CACNA2D1: variants seen among roughly 807,000 people sequenced by gnomAD.
CACNA2D1 encodes calcium voltage-gated channel auxiliary subunit alpha2delta 1.
A neutral mutation model predicts 171.5 loss-of-function variants in CACNA2D1; 53 were observed. The observed-to-expected ratio is 0.31, with a 90% CI of 0.25 to 0.39. CACNA2D1 has a LOEUF of 0.39. Among genes scored for constraint, CACNA2D1 ranks in the 10% least tolerant of loss-of-function variants. The probability of loss-of-function intolerance (pLI) is 1.00; values close to 1 mark genes in which losing one functional copy is unlikely to be tolerated. For missense variants in CACNA2D1, 903 were observed against 1,299.8 expected (o/e 0.69, Z 4.69); for synonymous variants, 442 against 443.1 (o/e 1.00, Z 0.03).
chr7:82,285,032 G>A (rs957322743), intron 3 of CACNA2D1, among the ~76,000 whole-genome samples: 16 of 152,150 alleles, frequency 1.1e-4, no homozygotes, highest in African/African-American at 2.4e-4. Flanking sequence ...AGCCCGGGGC[G>A]ATGAAAATCC....
chr7:82,300,650 G>GTCCTTA (rs1262673156), intron 3 of CACNA2D1, among the ~76,000 whole-genome samples: 1 of 152,084 alleles, frequency 6.6e-6, no homozygotes, highest in Non-Finnish European at 1.5e-5. Context: ...ATTATTAAAT[G>GTCCTTA]ATAGTCAACC....
chr7:82,099,975 G>T (rs1427860420), intron 6 of CACNA2D1, among the ~76,000 whole-genome samples: 2 of 152,118 alleles, frequency 1.3e-5, no homozygotes, highest in Non-Finnish European at 2.9e-5. Context: ...AATAGGTAAT[G>T]CATGGTGGGC....
intron 1 of CACNA2D1, among the ~76,000 whole-genome samples, chr7:82,407,772 G>T (rs140911433): frequency 6.6e-6 from 1 of 152,148 alleles, no homozygotes; most frequent in Admixed American, 6.6e-5. Context: ...AGACACTGTA[G>T]AACATAGTAT....
At chr7:82,279,860 T>G (rs889602785) in intron 3 of CACNA2D1, among the ~76,000 whole-genome samples, 1 of 152,308 alleles carries the variant, frequency 6.6e-6, no homozygotes, top group Admixed American at 6.5e-5. Context: ...TTAGATTGTG[T>G]CTTACCACAA....
intron 3 of CACNA2D1, among the ~76,000 whole-genome samples, chr7:82,307,517 TTATA>T (rs1361912123): frequency 6.7e-6 from 1 of 150,110 alleles, no homozygotes; most frequent in African/African-American, 2.4e-5. Context: ...CTTAAAATAA[TTATA>T]TAATTTATAA....
At chr7:82,305,704 CAT>C (rs1431582215) in intron 3 of CACNA2D1, among the ~76,000 whole-genome samples, 3 of 152,196 alleles carry the variant, frequency 2.0e-5, no homozygotes, top group African/African-American at 4.8e-5. Context: ...TGCTCATGCA[CAT>C]GTGTGCACAA....
chr7:82,211,197 T>C (rs983055376), intron 3 of CACNA2D1, among the ~76,000 whole-genome samples: 1 of 152,162 alleles, frequency 6.6e-6, no homozygotes, highest in African/African-American at 2.4e-5. Flanking sequence ...TAATAAAAGT[T>C]CTTTTTTTCT....
chr7:82,054,369 G>C (rs970410154), intron 10 of CACNA2D1, among the ~76,000 whole-genome samples: 1 of 152,178 alleles, frequency 6.6e-6, no homozygotes, highest in African/African-American at 2.4e-5. Flanking sequence ...GAATGCCAGA[G>C]AATTAACATT....
chr7:82,046,926 C>T (rs1804623224), intron 10 of CACNA2D1, among the ~76,000 whole-genome samples: 3 of 152,186 alleles, frequency 2.0e-5, no homozygotes, highest in Middle Eastern at 6.8e-3. Context: ...TCCCAATTAC[C>T]ATTTTTAATA....
At chr7:81,994,360 G>C (rs1279127259) in intron 20 of CACNA2D1, among the ~76,000 whole-genome samples, 1 of 151,836 alleles carries the variant, frequency 6.6e-6, no homozygotes, top group Non-Finnish European at 1.5e-5. Context: ...TCTAAGTGCT[G>C]GGAAATTTTA....
At chr7:82,060,635 T>C in intron 9 of CACNA2D1, 108 bp from the exon 10 acceptor site, 1 of 597,216 alleles carries the variant, frequency 1.7e-6, no homozygotes, top group South Asian at 2.3e-5. Context: ...TATATATTAT[T>C]TAAATAATAA....
chr7:81,959,130 T>A, intron 38 of CACNA2D1, 145 bp downstream of exon 38: 1 of 667,090 alleles, frequency 1.5e-6, no homozygotes, highest in Non-Finnish European at 2.7e-6. Flanking sequence ...ATGAAAAAAA[T>A]CTACCAGCAA....
At chr7:82,355,989 G>A (rs765163607) in intron 1 of CACNA2D1, among the ~76,000 whole-genome samples, 3 of 151,464 alleles carry the variant, frequency 2.0e-5, no homozygotes, top group Non-Finnish European at 4.4e-5. Flanking sequence ...GTCCCTTCTC[G>A]TTGTTGGAAA....
At chr7:82,440,498 C>A (rs1830416586) in intron 1 of CACNA2D1, among the ~76,000 whole-genome samples, 2 of 151,744 alleles carry the variant, frequency 1.3e-5, no homozygotes, top group African/African-American at 4.8e-5. Flanking sequence ...ATATATTTTC[C>A]ATTTATATAT....
chr7:82,442,639 A>T (rs1224762748), intron 1 of CACNA2D1, among the ~76,000 whole-genome samples: 3 of 152,190 alleles, frequency 2.0e-5, no homozygotes, highest in Non-Finnish European at 4.4e-5. Context: ...ATAAAAGAAA[A>T]TTTGTAGGAG....
chr7:82,080,112 C>T (rs1477424614), intron 7 of CACNA2D1, among the ~76,000 whole-genome samples: 2 of 144,442 alleles, frequency 1.4e-5, no homozygotes, highest in Admixed American at 7.1e-5. Context: ...TATATATATA[C>T]ATATATGTAC....
intron 24 of CACNA2D1, among the ~76,000 whole-genome samples, chr7:81,979,359 T>C (rs1796206354): frequency 1.3e-5 from 2 of 152,182 alleles, no homozygotes. Flanking sequence ...CACTAATACC[T>C]GCTGGATTAA....
At chr7:82,213,540 C>G (rs1370509199) in intron 3 of CACNA2D1, among the ~76,000 whole-genome samples, 1 of 152,126 alleles carries the variant, frequency 6.6e-6, no homozygotes. Context: ...TCACTAAAAG[C>G]CAAAAACTAA....
rs574553990 is a variant in CACNA2D1 at position 82,030,316 on chromosome 7, G to C, written c.1143+2481C>G. On this transcript the variant is annotated intron_variant, in intron 12 of 38. Transcript: ENST00000356860. ...TACTTTCCTTATAACATAAAACTTTGTGTGTTTAAAAAAAAGAAAAAGATC... is the reference window on the plus strand; with the variant it reads ...TACTTTCCTTATAACATAAAACTTTCTGTGTTTAAAAAAAAGAAAAAGATC... Among the ~76,000 whole-genome samples the C allele has an allele frequency of 2.0e-5, 3 of 150,848 alleles. No homozygotes were observed. In the South Asian group the frequency reaches 6.2e-4, roughly 31 times the overall value.
Sources: gnomAD v4.1 joint callset for allele counts (sites outside exome capture counted in the v4.1 genomes callset) on GRCh38, gnomAD v4.1.1 for gene constraint, MANE v1.5 for transcripts, NCBI Gene and HGNC (gene_info 2026-07-23, HGNC 2026-07-21) for gene names.